Variants in TBCD observed in about 807,000 individuals in gnomAD.
The protein encoded by TBCD is tubulin folding cofactor D.
Under a neutral mutation model 169.3 loss-of-function variants are expected in TBCD, and 105 were observed. The observed-to-expected ratio is 0.62, with a 90% CI of 0.53 to 0.73. The LOEUF (loss-of-function observed/expected upper bound fraction) is 0.73. Ranked by LOEUF, TBCD falls within the 30% of genes least tolerant of loss-of-function variation. The pLI, the probability that TBCD is intolerant of heterozygous loss-of-function variation, is 0.00. For synonymous variants in TBCD, 700 were observed against 643.9 expected, an observed-to-expected ratio of 1.09 and a Z score of -1.32; for missense variants, 1,444 against 1,600.1, an observed-to-expected ratio of 0.90 and a Z score of 1.66.
intron 13 of TBCD, among the ~76,000 whole-genome samples, chr17:82,850,995 G>A (rs992219981): frequency 3.3e-5 from 5 of 152,198 alleles, no homozygotes; most frequent in Non-Finnish European, 1.5e-5. Flanking sequence ...CGACTGGCAT[G>A]ATTCCATAAT....
At chr17:82,937,860 C>G in intron 35 of TBCD, 189 bp from the exon 36 acceptor site, 1 of 1,502,908 alleles carries the variant, frequency 6.7e-7, no homozygotes, top group East Asian at 2.5e-5. Context: ...TTTCCAAGTG[C>G]GACACTCGTG....
chr17:82,824,179 CTTTTA>C (rs2052637909), intron 13 of TBCD, among the ~76,000 whole-genome samples: 1 of 151,488 alleles, frequency 6.6e-6, no homozygotes. Context: ...TTTATTTTTA[CTTTTA>C]TTTTTATTTT....
intron 11 of TBCD, among the ~76,000 whole-genome samples, chr17:82,808,499 G>GA (rs1205219237): frequency 1.4e-4 from 19 of 136,374 alleles, no homozygotes; most frequent in East Asian, 2.2e-4. Context: ...GACAGGTGCT[G>GA]GGGGGCGGGG....
At chr17:82,857,819 A>G (rs1196640312) in intron 13 of TBCD, among the ~76,000 whole-genome samples, 1 of 147,516 alleles carries the variant, frequency 6.8e-6, no homozygotes, top group East Asian at 2.0e-4. Flanking sequence ...GTTTTAGGGT[A>G]CATGTGCACA....
intron 13 of TBCD, among the ~76,000 whole-genome samples, chr17:82,852,984 G>C (rs8077395): frequency 0.018 from 2,671 of 152,304 alleles, 94 homozygotes; most frequent in African/African-American, 0.061. Flanking sequence ...GATGATGATG[G>C]AGAGCGGCTC....
intron 36 of TBCD, among the ~76,000 whole-genome samples, chr17:82,938,661 C>T (rs867733387): frequency 3.3e-5 from 5 of 152,226 alleles, no homozygotes; most frequent in South Asian, 2.1e-4. Context: ...CCTGTGCTGC[C>T]GACTCAGCAC....
chr17:82,937,939 T>G, intron 35 of TBCD, 110 bp from the exon 36 acceptor site: 1 of 1,547,938 alleles, frequency 6.5e-7, no homozygotes, highest in Non-Finnish European at 8.7e-7. Context: ...CGCACTGTGC[T>G]CACGGATCTG....
intron 4 of TBCD, 47 bp downstream of exon 4, chr17:82,766,415 C>T (rs760890378): frequency 7.0e-7 from 1 of 1,431,956 alleles, no homozygotes; most frequent in Admixed American, 1.8e-5. Context: ...CCGTGCCTGT[C>T]CTTCCTCCCT....
chr17:82,926,409 G>T lies in TBCD; in HGVS notation c.2389G>T (p.Gly797Cys). 6.2e-7 allele frequency: 1 copy of T among 1,613,974 alleles called. No individual in the cohort carries two copies. Among genetic ancestry groups the T allele is most frequent in the South Asian group, 1.1e-5 (1 of 91,078 alleles). The change falls in exon 28 of 39, where the codon GGT becomes TGT. Residue 797 changes from glycine (G) to cysteine (C), a missense_variant. Gly to Cys is a radical substitution (Grantham distance 159, BLOSUM62 -3). Coordinates refer to ENST00000355528, the MANE Select transcript of TBCD (RefSeq NM_005993.5). ...CTTTATTGCTTTCCAGGTTCTCACA[G>T]GTTTAAGAGCAGTTACCCACACTTC... ...LKGRLQQVLTGLRAVTHTSPE... is the reference protein window; with the variant it reads ...LKGRLQQVLTCLRAVTHTSPE...
At chr17:82,879,919 G>A (rs1389572523) in intron 14 of TBCD, among the ~76,000 whole-genome samples, 3 of 151,784 alleles carry the variant, frequency 2.0e-5, no homozygotes, top group Non-Finnish European at 4.4e-5. Flanking sequence ...ATTGTTGGAC[G>A]GACCTGGCGG....
rs146125632 is a variant in TBCD at position 82,934,761 on chromosome 17, C to T, written c.3191+2026C>T. 5.7e-3 allele frequency among the ~76,000 whole-genome samples: 869 copies of T among 152,184 alleles called. 12 individuals carry two copies. Among genetic ancestry groups the T allele is most frequent in the African/African-American group, 0.02 (833 of 41,550 alleles). ...TGCTGGGATTATAGGCGTGAGCCAC[C>T]GTACCTGGCCTAAAATATTGACATA... is the stretch of plus-strand genomic sequence containing the variant. On this transcript the variant is annotated intron_variant, in intron 34 of 38. Transcript: ENST00000355528.
intron 6 of TBCD, among the ~76,000 whole-genome samples, chr17:82,777,437 G>A (rs11867174): frequency 0.077 from 11,664 of 152,188 alleles, 1,150 homozygotes; most frequent in African/African-American, 0.23. Context: ...GACCGGTAGC[G>A]GCCCCGAATG....
At chr17:82,767,393 G>A (rs1379859849) in intron 4 of TBCD, among the ~76,000 whole-genome samples, 1 of 152,046 alleles carries the variant, frequency 6.6e-6, no homozygotes, top group Non-Finnish European at 1.5e-5. Context: ...ACTAATTACT[G>A]AAAATAAGGG....
chr17:82,843,868 C>T (rs1174904074), intron 13 of TBCD, among the ~76,000 whole-genome samples: 1 of 152,212 alleles, frequency 6.6e-6, no homozygotes, highest in African/African-American at 2.4e-5. Flanking sequence ...CCACCCAGAC[C>T]GTGGCAACTG....
At chr17:82,899,008 G>A (rs1372392811) in intron 17 of TBCD, among the ~76,000 whole-genome samples, 2 of 152,252 alleles carry the variant, frequency 1.3e-5, no homozygotes, top group Non-Finnish European at 2.9e-5. Flanking sequence ...TCGACGCGGA[G>A]CAGGGCTGCC....
chr17:82,922,678 G>T lies in TBCD; in HGVS notation c.2179-974G>T, dbSNP rs2061488667. Among the ~76,000 whole-genome samples, 1 of 152,188 alleles carries T rather than the reference G, an allele frequency of 6.6e-6. No homozygotes were observed. The highest frequency in any genetic ancestry group is 2.4e-5 in the African/African-American group (1 of 41,426). On this transcript the variant is annotated intron_variant, in intron 25 of 38. Coordinates refer to ENST00000355528, the MANE Select transcript of TBCD (RefSeq NM_005993.5). The surrounding 1 kb of genome is among the most constrained non-coding windows in gnomAD (Gnocchi z 4.1). The stretch of plus-strand genomic sequence containing the variant: ...ATGATGCTGGTGCACTTTGCCCCTG[G>T]GATTGGCACAGGTGGTGACTCGTGG...
intron 7 of TBCD, among the ~76,000 whole-genome samples, chr17:82,797,502 G>A (rs1598552089): frequency 6.6e-6 from 1 of 152,078 alleles, no homozygotes; most frequent in South Asian, 2.1e-4. Context: ...AGGGAGGGGT[G>A]GAGAGGCTGC....
Position 82,833,129 on chromosome 17 carries a change from C to T in TBCD, c.1318+18195C>T, listed in dbSNP as rs1028687130. 1.3e-5 allele frequency among the ~76,000 whole-genome samples: 2 copies of T among 152,078 alleles called. No homozygotes were observed. Among genetic ancestry groups the T allele is most frequent in the Admixed American group, 6.5e-5 (1 of 15,280 alleles). On this transcript the variant is annotated intron_variant, in intron 13 of 38. Transcript: ENST00000355528. The surrounding 1 kb of genome is among the most constrained non-coding windows in gnomAD (Gnocchi z 4.7). Reference sequence around the variant, plus strand: ...ATCGGCCACACTCTCACGTGAAATACGAAGGGGTTTGTGGCTGTTTCCCCT... The same window carrying T: ...ATCGGCCACACTCTCACGTGAAATATGAAGGGGTTTGTGGCTGTTTCCCCT...
chr17:82,906,956 G>T (rs1336002624), intron 20 of TBCD, among the ~76,000 whole-genome samples: 2 of 152,260 alleles, frequency 1.3e-5, no homozygotes, highest in African/African-American at 4.8e-5. Context: ...GGGTCCTCCA[G>T]TCGGGTCCCA....
Sources: allele counts gnomAD v4.1 joint callset (sites outside exome capture counted in the v4.1 genomes callset), GRCh38; gene constraint gnomAD v4.1.1; non-coding constraint Gnocchi (gnomAD v3.1); transcripts MANE v1.5; gene names NCBI Gene and HGNC (gene_info 2026-07-23, HGNC 2026-07-21).